Variants in ST3GAL6 observed in about 807,000 individuals in gnomAD.
The protein encoded by ST3GAL6 is ST3 beta-galactoside alpha-2,3-sialyltransferase 6.
ST3GAL6 carries 31 observed loss-of-function variants against 40.5 expected under a neutral mutation model. That is an observed-to-expected ratio of 0.77 (90% CI 0.58 to 1.03). ST3GAL6 has a LOEUF of 1.03. ST3GAL6 is among the 50% of genes least tolerant of loss of function. ST3GAL6 has a pLI of 0.00. For missense variants in ST3GAL6, 357 were observed against 393.2 expected (o/e 0.91, Z 0.78); for synonymous variants, 129 against 136.9 (o/e 0.94, Z 0.40).
chr3:98,789,084 G>C (rs1940993115), intron 8 of ST3GAL6, among the ~76,000 whole-genome samples: 1 of 152,102 alleles, frequency 6.6e-6, no homozygotes, highest in African/African-American at 2.4e-5. Flanking sequence ...CAATACTCTA[G>C]ACCCATACAG....
At chr3:98,791,373 T>C (rs975626855) in intron 8 of ST3GAL6, among the ~76,000 whole-genome samples, 3 of 152,216 alleles carry the variant, frequency 2.0e-5, no homozygotes, top group Non-Finnish European at 2.9e-5. Flanking sequence ...GAGTATAAAA[T>C]ATAGCTATTC....
At chr3:98,755,043 T>G (rs1937318450) in intron 1 of ST3GAL6, among the ~76,000 whole-genome samples, 1 of 152,188 alleles carries the variant, frequency 6.6e-6, no homozygotes, top group Non-Finnish European at 1.5e-5. Context: ...AATTTATTTT[T>G]TATTTATTTG....
At chr3:98,772,206 G>C (rs1278058170) in intron 3 of ST3GAL6, 4 of 152,290 alleles carry the variant, frequency 2.6e-5, no homozygotes, top group Non-Finnish European at 4.4e-5. Flanking sequence ...CATGTGGACA[G>C]TATTCTCTGA....
chr3:98,776,612 T>C (rs1286820832), intron 5 of ST3GAL6, among the ~76,000 whole-genome samples: 1 of 152,216 alleles, frequency 6.6e-6, no homozygotes, highest in Non-Finnish European at 1.5e-5. Flanking sequence ...TTTCCTCCTT[T>C]TTCTGCTTTC....
Position 98,788,400 on chromosome 3 carries a change from T to C in ST3GAL6, c.693T>C (p.Pro231=). The change falls in exon 8 of 10, where the codon CCT becomes CCC. Residue 231 remains proline (P), a synonymous_variant. Coordinates refer to ENST00000483910, the MANE Select transcript of ST3GAL6 (RefSeq NM_001323368.2). ...CTTATCAAATCCGAATATTAGATCC[T>C]TTCATTATCAGAACAGCAGCTTATG... ...YKPYQIRILD[P]FIIRTAAYEL... 6.2e-7 allele frequency: 1 copy of C among 1,613,172 alleles called. No individual in the cohort carries two copies. Among genetic ancestry groups the C allele is most frequent in the Non-Finnish European group, 8.5e-7 (1 of 1,179,736 alleles).
chr3:98,733,068 G>T, intron 1 of ST3GAL6: 1 of 1,408,090 alleles, frequency 7.1e-7, no homozygotes, highest in South Asian at 1.5e-5. Flanking sequence ...GGGCGGCCTG[G>T]GGTCTGTGCT....
chr3:98,788,553 C>A, intron 8 of ST3GAL6, 90 bp downstream of exon 8: 2 of 1,222,926 alleles, frequency 1.6e-6, no homozygotes, highest in Non-Finnish European at 2.2e-6. Flanking sequence ...TGTATGAGAA[C>A]CACAGCTCAT....
At chr3:98,762,736 A>G, upstream of ST3GAL6, 1 of 924,764 alleles carries the variant, frequency 1.1e-6, no homozygotes, top group Non-Finnish European at 1.3e-6. Flanking sequence ...TATGGTTATT[A>G]TAGTTTTCTA....
At chr3:98,744,099 T>C (rs1480557103) in intron 1 of ST3GAL6, among the ~76,000 whole-genome samples, 1 of 152,142 alleles carries the variant, frequency 6.6e-6, no homozygotes, top group East Asian at 1.9e-4. Context: ...AGACAGAGAA[T>C]TGTAGTGATG....
At chr3:98,785,351 A>T (rs1940596282) in intron 6 of ST3GAL6, among the ~76,000 whole-genome samples, 1 of 152,198 alleles carries the variant, frequency 6.6e-6, no homozygotes. Context: ...AAAAATAATA[A>T]ATGCCATACA....
At chr3:98,787,441 C>A (rs1312138661) in intron 6 of ST3GAL6, among the ~76,000 whole-genome samples, 1 of 152,152 alleles carries the variant, frequency 6.6e-6, no homozygotes, top group Non-Finnish European at 1.5e-5. Context: ...CATGTCCAAC[C>A]TTGGCTTTCA....
At chr3:98,761,315 A>T (rs1937737254), upstream of ST3GAL6, among the ~76,000 whole-genome samples, 1 of 152,146 alleles carries the variant, frequency 6.6e-6, no homozygotes, top group Non-Finnish European at 1.5e-5. Flanking sequence ...CAATTTTAAA[A>T]ATTACACACA....
intron 1 of ST3GAL6, among the ~76,000 whole-genome samples, chr3:98,740,612 C>G (rs1412862199): frequency 6.6e-6 from 1 of 152,126 alleles, no homozygotes; most frequent in African/African-American, 2.4e-5. Context: ...AACAAATAGC[C>G]TAACTTCTCT....
At chr3:98,747,198 C>T (rs1485867398) in intron 1 of ST3GAL6, among the ~76,000 whole-genome samples, 1 of 152,102 alleles carries the variant, frequency 6.6e-6, no homozygotes, top group Non-Finnish European at 1.5e-5. Flanking sequence ...TTTTCAGCCC[C>T]GTCAGTATGG....
intron 1 of ST3GAL6, among the ~76,000 whole-genome samples, chr3:98,739,376 AAAAC>A (rs138546858): frequency 0.29 from 43,354 of 149,320 alleles, 6,521 homozygotes; most frequent in Admixed American, 0.41. Flanking sequence ...ATTGAGACAG[AAAAC>A]AAACAAACAA....
Position 98,788,066 on chromosome 3 carries a change from A to G in ST3GAL6, c.462A>G (p.Glu154=). Residue 154 remains glutamate, a synonymous_variant, in exon 7 of 10, where the codon GAA becomes GAG. Transcript: ENST00000483910. The part of the protein sequence containing the change: ...RMNNGPVLGH[E]EEVGRRTTFR... ...ATAATGGTCCTGTTTTAGGACATGA[A>G]GAAGAAGTTGGGAGAAGGACAACCT... 1 of 1,613,804 alleles carries G rather than the reference A, an allele frequency of 6.2e-7. No homozygotes were observed. Among genetic ancestry groups the G allele is most frequent in the South Asian group, 1.1e-5 (1 of 91,034 alleles).
At chr3:98,763,060 G>C, upstream of ST3GAL6, 1 of 985,436 alleles carries the variant, frequency 1.0e-6, no homozygotes, top group Non-Finnish European at 1.2e-6. Context: ...GAGGAGGACT[G>C]AGGCCTTTCC....
At chr3:98,738,426 G>A (rs191843739) in intron 1 of ST3GAL6, among the ~76,000 whole-genome samples, 75 of 151,974 alleles carry the variant, frequency 4.9e-4, no homozygotes, top group African/African-American at 1.6e-3. Context: ...GATACACACC[G>A]CCACACCCGG....
intron 1 of ST3GAL6, among the ~76,000 whole-genome samples, chr3:98,747,329 TA>T (rs1936637640): frequency 6.6e-6 from 1 of 152,228 alleles, no homozygotes. Context: ...TTTTCTGTTT[TA>T]TTTCCTTTTT....
Sources: gnomAD v4.1 joint callset for allele counts (sites outside exome capture counted in the v4.1 genomes callset) on GRCh38, gnomAD v4.1.1 for gene constraint, MANE v1.5 for transcripts, NCBI Gene and HGNC (gene_info 2026-07-23, HGNC 2026-07-21) for gene names.